The following TRAPPC10 variants were observed in gnomAD, a reference collection of about 807,000 sequenced individuals.
TRAPPC10 encodes the protein trafficking protein particle complex subunit 10, also known as TRAPP 130 kDa subunit.
In TRAPPC10, 23 loss-of-function variants were observed where a neutral mutation model predicts 125.5. The observed-to-expected ratio is 0.18, with a 90% CI of 0.13 to 0.26. The LOEUF (loss-of-function observed/expected upper bound fraction) is 0.26. Ranked by LOEUF, TRAPPC10 falls within the 10% of genes least tolerant of loss-of-function variation. The pLI, the probability that TRAPPC10 is intolerant of heterozygous loss-of-function variation, is 1.00. For synonymous variants in TRAPPC10, 509 were observed against 518.0 expected (o/e 0.98, Z 0.24); for missense variants, 1,123 against 1,308.4 (o/e 0.86, Z 2.19).
At chr21:44,015,688 C>G (rs866653206) in intron 1 of TRAPPC10, among the ~76,000 whole-genome samples, 1 of 151,664 alleles carries the variant, frequency 6.6e-6, no homozygotes, top group East Asian at 1.9e-4. Flanking sequence ...GATCTCGGCT[C>G]ACTGCAACTT....
At position 44,080,011 on chromosome 21, in the gene TRAPPC10, C is replaced by G. The variant is rs1268026252; in HGVS notation, c.1611-4C>G. On this transcript the variant is annotated splice_polypyrimidine_tract_variant and splice_region_variant and intron_variant, in intron 12 of 22. Transcript: ENST00000291574. Reference sequence around the variant, plus strand: ...TCTCCACGCTCCTTACCTCTCCGCTCCAGCTACCTGCAGACCAGCAGCCTC... The same window carrying G: ...TCTCCACGCTCCTTACCTCTCCGCTGCAGCTACCTGCAGACCAGCAGCCTC... The G allele has an allele frequency of 6.2e-7, 1 of 1,613,630 alleles. No homozygotes were observed. The highest frequency in any genetic ancestry group is 1.1e-5 in the South Asian group (1 of 91,038).
At chr21:44,026,769 G>A (rs1327114502) in intron 1 of TRAPPC10, among the ~76,000 whole-genome samples, 1 of 152,212 alleles carries the variant, frequency 6.6e-6, no homozygotes, top group Non-Finnish European at 1.5e-5. Context: ...TCACTCCGCT[G>A]CTTTTAGTCG....
intron 7 of TRAPPC10, among the ~76,000 whole-genome samples, chr21:44,072,984 C>T (rs148537890): frequency 2.6e-5 from 4 of 152,348 alleles, no homozygotes; most frequent in African/African-American, 4.8e-5. Context: ...CGGAGGGACA[C>T]GCTCTGTCCA....
At chr21:44,064,259 C>T (rs919378813) in intron 7 of TRAPPC10, among the ~76,000 whole-genome samples, 1 of 152,124 alleles carries the variant, frequency 6.6e-6, no homozygotes, top group Admixed American at 6.5e-5. Flanking sequence ...GGCTGTGCCC[C>T]ATTGATTAGT....
intron 8 of TRAPPC10, 84 bp from the exon 9 acceptor site, chr21:44,074,955 G>A: frequency 1.9e-6 from 2 of 1,039,418 alleles, no homozygotes; most frequent in Non-Finnish European, 2.8e-6. Flanking sequence ...AATTTAGCTG[G>A]ATTTGAATTT....
chr21:44,037,656 A>G, intron 2 of TRAPPC10, 136 bp from the exon 3 acceptor site: 1 of 968,128 alleles, frequency 1.0e-6, no homozygotes. Context: ...TGAGCAGAAT[A>G]GCGTAGTTAT....
chr21:44,083,410 C>T (rs1028869894), intron 14 of TRAPPC10, 108 bp downstream of exon 14: 81 of 1,264,182 alleles, frequency 6.4e-5, no homozygotes, highest in Non-Finnish European at 8.2e-5. Flanking sequence ...CCTTTGTTCT[C>T]CTAACCCTGT....
Position 44,059,204 on chromosome 21 carries a change from C to G in TRAPPC10, c.780C>G (p.Phe260Leu), listed in dbSNP as rs767991758. Residue 260 changes from phenylalanine to leucine, a missense_variant, in exon 6 of 23, where the codon TTC becomes TTG. By Grantham distance (22) the Phe-to-Leu change is conservative. This residue lies in a region of TRAPPC10 where 91 missense variants were observed against 127.1 expected (regional missense o/e 0.72). Coordinates refer to ENST00000291574, the MANE Select transcript of TRAPPC10 (RefSeq NM_003274.5). This position sits in a 1 kb window ranked among gnomAD's most constrained non-coding sequence, Gnocchi z 4.4. ...TCTTCTCTCAGTATGTGGTCAACTT[C>G]GGGGCCGGGGGTGAGTAGTGGCACT... ...DALFSQYVVN[F>L]GAGDGANWLT... is the part of the protein sequence containing the mutation. The G allele has an allele frequency of 1.7e-5, 28 of 1,606,728 alleles. No homozygotes were observed. Among genetic ancestry groups the G allele is most frequent in the Non-Finnish European group, 2.3e-5 (27 of 1,177,286 alleles).
intron 1 of TRAPPC10, among the ~76,000 whole-genome samples, chr21:44,024,045 C>CA (rs1409693658): frequency 6.6e-6 from 1 of 152,202 alleles, no homozygotes; most frequent in Non-Finnish European, 1.5e-5. Flanking sequence ...CTTGGCCTCC[C>CA]AAAGCATTGG....
intron 7 of TRAPPC10, among the ~76,000 whole-genome samples, chr21:44,072,927 C>T (rs2299819): frequency 8.5e-4 from 130 of 152,298 alleles, no homozygotes; most frequent in Admixed American, 4.3e-3. Context: ...GTGCGGTCAG[C>T]CCGCTCCAGG....
At chr21:44,083,661 C>T (rs2037917867) in intron 14 of TRAPPC10, among the ~76,000 whole-genome samples, 1 of 152,182 alleles carries the variant, frequency 6.6e-6, no homozygotes, top group South Asian at 2.1e-4. Context: ...CCCACTCAAA[C>T]TTATTTTCCT....
chr21:44,032,447 A>G (rs572969225), intron 2 of TRAPPC10, among the ~76,000 whole-genome samples: 5 of 149,454 alleles, frequency 3.3e-5, no homozygotes, highest in South Asian at 2.1e-4. Context: ...CAGTAGCGCA[A>G]TCTCGGCTCA....
chr21:44,074,925 G>T, intron 8 of TRAPPC10, 114 bp from the exon 9 acceptor site: 3 of 782,808 alleles, frequency 3.8e-6, no homozygotes, highest in Non-Finnish European at 6.2e-6. Context: ...CATTGGGTAG[G>T]AAAGCTAAAT....
At chr21:44,020,417 G>A (rs958825914) in intron 1 of TRAPPC10, among the ~76,000 whole-genome samples, 7 of 152,066 alleles carry the variant, frequency 4.6e-5, no homozygotes, top group African/African-American at 1.7e-4. Context: ...GAGCCACCGC[G>A]CCTGGCCCAT....
In TRAPPC10 at chr21:44,089,785, C is replaced by T. The variant is rs771867159; in HGVS notation, c.2770-48C>T. On this transcript the variant is annotated intron_variant, in intron 17 of 22. Coordinates refer to ENST00000291574, the MANE Select transcript of TRAPPC10 (RefSeq NM_003274.5). ...CTGGGCAGCAGTGGTGGTGGCTGTG[C>T]TGTCCGTCGGCGAGTGGTCTGAGAG... The T allele has an allele frequency of 2.1e-6, 3 of 1,459,540 alleles. No individual in the cohort carries two copies. The South Asian group carries it at 3.4e-5, about 17-fold the overall frequency. 90.4% of individuals were successfully genotyped at this position (1,459,540 alleles called of 1,614,324 possible).
At chr21:44,018,624 G>T (rs979943058) in intron 1 of TRAPPC10, among the ~76,000 whole-genome samples, 5 of 151,786 alleles carry the variant, frequency 3.3e-5, no homozygotes, top group Admixed American at 1.3e-4. Flanking sequence ...GCTTGAATCT[G>T]GGAGGCGGAG....
At chr21:44,058,449 A>C (rs1391511106) in intron 5 of TRAPPC10, among the ~76,000 whole-genome samples, 1 of 152,112 alleles carries the variant, frequency 6.6e-6, no homozygotes, top group Non-Finnish European at 1.5e-5. Flanking sequence ...GGATGTCTCG[A>C]AAGGATTTAG....
intron 1 of TRAPPC10, among the ~76,000 whole-genome samples, chr21:44,025,833 TGTGTGTGTGTG>T (rs2033003155): frequency 1.8e-5 from 1 of 54,718 alleles, no homozygotes; most frequent in Admixed American, 1.8e-4. Context: ...TGTGTGTGTG[TGTGTGTGTGTG>T]TGTGTGTGTG....
At chr21:44,036,976 G>A (rs1390637471) in intron 2 of TRAPPC10, among the ~76,000 whole-genome samples, 1 of 152,190 alleles carries the variant, frequency 6.6e-6, no homozygotes, top group Admixed American at 6.5e-5. Flanking sequence ...CCAAAGGACA[G>A]GGGAAAACTA....
Sources: gnomAD v4.1 joint callset for allele counts (sites outside exome capture counted in the v4.1 genomes callset) on GRCh38, gnomAD v4.1.1 for gene constraint, gnomAD v4.1.1 regional missense constraint, Gnocchi (gnomAD v3.1) non-coding constraint, MANE v1.5 for transcripts, NCBI Gene and HGNC (gene_info 2026-07-23, HGNC 2026-07-21) for gene names.